Variants in UMODL1 observed in about 807,000 individuals in gnomAD.
UMODL1 encodes uromodulin like 1.
Under a neutral mutation model 136.3 loss-of-function variants are expected in UMODL1, and 128 were observed. The observed-to-expected ratio is 0.94, with a 90% confidence interval of 0.81 to 1.09. UMODL1 has a LOEUF of 1.09. Ranked by LOEUF, UMODL1 falls within the 50% of genes least tolerant of loss-of-function variation. UMODL1 has a pLI of 0.00. For missense variants in UMODL1, 1,766 were observed against 1,725.6 expected (o/e 1.02, Z -0.41); for synonymous variants, 721 against 720.0 (o/e 1.00, Z -0.02).
chr21:42,114,482 T>C (rs1393260668), intron 13 of UMODL1, among the ~76,000 whole-genome samples: 1 of 152,212 alleles, frequency 6.6e-6, no homozygotes, highest in African/African-American at 2.4e-5. Context: ...CATGGGCAGC[T>C]TCCCAAGCGT....
At chr21:42,138,180 C>T (rs188083785) in intron 22 of UMODL1, among the ~76,000 whole-genome samples, 499 of 152,276 alleles carry the variant, frequency 3.3e-3, no homozygotes, top group African/African-American at 0.012. Flanking sequence ...GTAAAAGAAA[C>T]CATGGTAACA....
chr21:42,090,256 G>A, intron 5 of UMODL1, 42 bp from the exon 6 acceptor site: 1 of 1,610,958 alleles, frequency 6.2e-7, no homozygotes, highest in East Asian at 2.2e-5. Context: ...TGACGAGGTA[G>A]CTGCGACTGC....
At chr21:42,075,775 G>A (rs1188801502) in intron 1 of UMODL1, among the ~76,000 whole-genome samples, 1 of 152,254 alleles carries the variant, frequency 6.6e-6, no homozygotes, top group African/African-American at 2.4e-5. Flanking sequence ...TTCTTAGCAG[G>A]CCAGGCTACG....
At chr21:42,105,019 G>C (rs1569157561) in intron 9 of UMODL1, among the ~76,000 whole-genome samples, 4 of 152,180 alleles carry the variant, frequency 2.6e-5, no homozygotes, top group Non-Finnish European at 5.9e-5. Flanking sequence ...CGGGGTGCTG[G>C]GTCTTGGAGC....
At position 42,123,505 on chromosome 21, in the gene UMODL1, G is replaced by A. The variant is rs1045082566; in HGVS notation, c.3147+355G>A. Among the ~76,000 whole-genome samples, 1 of 80,968 alleles carries A rather than the reference G, an allele frequency of 1.2e-5. No homozygotes were observed. The highest frequency in any genetic ancestry group is 3.9e-5 in the African/African-American group (1 of 25,926). 53.1% of individuals were successfully genotyped at this position (80,968 alleles called of 152,430 possible). On this transcript the variant is annotated intron_variant, in intron 17 of 22. Coordinates refer to ENST00000408910, the MANE Select transcript of UMODL1 (RefSeq NM_001004416.3). This position sits in a 1 kb window ranked among gnomAD's most constrained non-coding sequence, Gnocchi z 4.4. ...AGTGTGTGTGTGTGAGTGTACGTGT[G>A]TGCATGTGTGCATGTGTCTGAATAT...
At chr21:42,107,302 C>T (rs1032530921) in intron 9 of UMODL1, among the ~76,000 whole-genome samples, 2 of 152,212 alleles carry the variant, frequency 1.3e-5, no homozygotes, top group African/African-American at 4.8e-5. Context: ...CATCCTTCTG[C>T]GTAAGAGGCC....
rs538766991 is a variant in UMODL1 at position 42,099,584 on chromosome 21, C to T, written c.1186+404C>T. On this transcript the variant is annotated intron_variant, in intron 7 of 22. Coordinates refer to ENST00000408910, the MANE Select transcript of UMODL1 (RefSeq NM_001004416.3). The surrounding 1 kb of genome is among the most constrained non-coding windows in gnomAD (Gnocchi z 4.1). ...AGCAGCACTGAGGCCGTCTAAGTTC[C>T]CTCCCCGAGAGGGGAGCATCGCTGA... Among the ~76,000 whole-genome samples the T allele has an allele frequency of 6.6e-6, 1 of 152,336 alleles. No individual in the cohort carries two copies. Among genetic ancestry groups the T allele is most frequent in the African/African-American group, 2.4e-5 (1 of 41,578 alleles).
chr21:42,120,136 G>A (rs144039328), intron 15 of UMODL1, among the ~76,000 whole-genome samples: 1 of 152,328 alleles, frequency 6.6e-6, no homozygotes, highest in Non-Finnish European at 1.5e-5. Flanking sequence ...AGAATGCATT[G>A]CACTGTTTGC....
intron 8 of UMODL1, chr21:42,102,558 C>T: frequency 4.9e-6 from 1 of 203,650 alleles, no homozygotes; most frequent in Non-Finnish European, 9.9e-6. Flanking sequence ...GTTGGATTTT[C>T]TGTGGAACCT....
intron 2 of UMODL1, among the ~76,000 whole-genome samples, chr21:42,083,244 G>A (rs1368171920): frequency 6.6e-6 from 1 of 152,204 alleles, no homozygotes; most frequent in Non-Finnish European, 1.5e-5. Context: ...CCACACTCCT[G>A]GTCTACACCA....
At chr21:42,092,248 C>T (rs2066500413) in intron 6 of UMODL1, among the ~76,000 whole-genome samples, 2 of 152,138 alleles carry the variant, frequency 1.3e-5, no homozygotes, top group African/African-American at 4.8e-5. Flanking sequence ...TATGAACAGG[C>T]TGAGGGAAGG....
chr21:42,072,686 C>G (rs1361195423), intron 1 of UMODL1, among the ~76,000 whole-genome samples: 1 of 152,212 alleles, frequency 6.6e-6, no homozygotes, highest in Non-Finnish European at 1.5e-5. Flanking sequence ...TCACAGATGA[C>G]AAGAGAGGGG....
At position 42,076,069 on chromosome 21, in the gene UMODL1, G is replaced by A; in HGVS notation, c.141G>A (p.Lys47=). ...CSHRVTHTVQ[K]VEAVQTSYTS... is the part of the protein sequence containing the mutation. ...ACCGTGTGACCCACACTGTACAGAA[G>A]GTGGAGGCCGTGCAGACGTCCTACA... The change falls in exon 2 of 23, where the codon AAG becomes AAA. Residue 47 remains lysine (K), a synonymous_variant. Coordinates refer to ENST00000408910, the MANE Select transcript of UMODL1 (RefSeq NM_001004416.3). 6.2e-7 allele frequency: 1 copy of A among 1,614,272 alleles called. No homozygotes were observed. The highest frequency in any genetic ancestry group is 8.5e-7 in the Non-Finnish European group (1 of 1,180,052).
chr21:42,063,509 G>A (rs2066158168), intron 1 of UMODL1, among the ~76,000 whole-genome samples: 1 of 152,188 alleles, frequency 6.6e-6, no homozygotes, highest in South Asian at 2.1e-4. Context: ...CCTTTCATGG[G>A]TATCAGGAGA....
chr21:42,066,095 C>T (rs979256377), intron 1 of UMODL1, among the ~76,000 whole-genome samples: 5 of 152,226 alleles, frequency 3.3e-5, no homozygotes, highest in South Asian at 4.1e-4. Context: ...CCTTGATGCT[C>T]ACGATCTCAG....
Position 42,095,089 on chromosome 21 carries a change from G to GTTTTTTTTTTTTTTTTTTTTT in UMODL1, c.932-3834_932-3814dup, listed in dbSNP as rs58764222. Among the ~76,000 whole-genome samples, 26 of 61,202 alleles carry GTTTTTTTTTTTTTTTTTTTTT rather than the reference G, an allele frequency of 4.2e-4. 4 individuals carry two copies. The highest frequency in any genetic ancestry group is 6.9e-4 in the South Asian group (1 of 1,448). The allele number at this position is 61,202 out of a possible 152,430, so 40.2% of individuals were successfully genotyped here. On this transcript the variant is annotated intron_variant, in intron 6 of 22. Transcript: ENST00000408910. ...CATCACTCCTTTGTTTTCTTCTGCTGTTTTTTTTTTTTTTTTTTTTTTTGA... is the reference window on the plus strand; with the variant it reads ...CATCACTCCTTTGTTTTCTTCTGCTGTTTTTTTTTTTTTTTTTTTTTTTTTTTTTTTTTTTTTTTTTTTTGA...
At position 42,085,544 on chromosome 21, in the gene UMODL1, C is replaced by T; in HGVS notation, c.603+132C>T. The T allele has an allele frequency of 7.2e-7, 1 of 1,382,776 alleles. No individual in the cohort carries two copies. Among genetic ancestry groups the T allele is most frequent in the Non-Finnish European group, 9.9e-7 (1 of 1,008,742 alleles). The allele number at this position is 1,382,776 out of a possible 1,614,324, so 85.7% of individuals were successfully genotyped here. A position where few individuals can be genotyped will look rare whatever the true frequency, so the allele number is the denominator to read the frequency against. ...TCCCCAAATGGCCCCAAATGACTGA[C>T]TCTGAACGAAATTCTAGTTCTTAAA... On this transcript the variant is annotated intron_variant, in intron 4 of 22. Transcript: ENST00000408910. The surrounding 1 kb of genome is among the most constrained non-coding windows in gnomAD (Gnocchi z 4.5).
chr21:42,100,458 G>A (rs2066612929), intron 7 of UMODL1, among the ~76,000 whole-genome samples: 1 of 151,922 alleles, frequency 6.6e-6, no homozygotes, highest in Admixed American at 6.5e-5. Flanking sequence ...GCCAGCACGG[G>A]CATCCAGAAA....
rs73373640 is a variant in UMODL1 at position 42,127,976 on chromosome 21, C to G, written c.3690+145C>G. The G allele has an allele frequency of 2.8e-6, 3 of 1,061,240 alleles. No individual in the cohort carries two copies. In the African/African-American group the frequency reaches 4.7e-5, roughly 17 times the overall value. 65.7% of individuals were successfully genotyped at this position (1,061,240 alleles called of 1,614,324 possible). The stretch of plus-strand genomic sequence containing the variant: ...GTCGCTGTGCCTGTCCTGCAGACTC[C>G]GCGTCTGAAATGGTATTTCCACGGC... On this transcript the variant is annotated intron_variant, in intron 20 of 22. Coordinates refer to ENST00000408910, the MANE Select transcript of UMODL1 (RefSeq NM_001004416.3).
Sources: gnomAD v4.1 joint callset for allele counts (sites outside exome capture counted in the v4.1 genomes callset) on GRCh38, gnomAD v4.1.1 for gene constraint, Gnocchi (gnomAD v3.1) non-coding constraint, MANE v1.5 for transcripts, NCBI Gene and HGNC (gene_info 2026-07-23, HGNC 2026-07-21) for gene names.